The following ROBO2 variants were observed in gnomAD, a reference collection of about 807,000 sequenced individuals.
ROBO2 encodes the protein roundabout homolog 2.
ROBO2 carries 53 observed loss-of-function variants against 160.8 expected under a neutral mutation model. That is an observed-to-expected ratio of 0.33 (90% CI 0.26 to 0.41). ROBO2 has a LOEUF of 0.41. Among genes scored for constraint, ROBO2 ranks in the 10% least tolerant of loss-of-function variants. ROBO2 has a pLI of 1.00. For synonymous variants in ROBO2, 664 were observed against 611.7 expected, an observed-to-expected ratio of 1.09 and a Z score of -1.26; for missense variants, 1,577 against 1,722.4, an observed-to-expected ratio of 0.92 and a Z score of 1.49.
intron 2 of ROBO2, among the ~76,000 whole-genome samples, chr3:76,425,639 C>G (rs1299019534): frequency 6.6e-6 from 1 of 151,976 alleles, no homozygotes; most frequent in Admixed American, 6.6e-5. Flanking sequence ...TTAGTGAACT[C>G]TATTCTATGC....
At chr3:76,664,053 C>A (rs1306025679) in intron 2 of ROBO2, among the ~76,000 whole-genome samples, 1 of 152,082 alleles carries the variant, frequency 6.6e-6, no homozygotes, top group Non-Finnish European at 1.5e-5. Context: ...TAGTTCCAGG[C>A]AAAAGGGACC....
At chr3:77,505,539 T>C (rs1582543461) in intron 5 of ROBO2, among the ~76,000 whole-genome samples, 1 of 152,130 alleles carries the variant, frequency 6.6e-6, no homozygotes, top group African/African-American at 2.4e-5. Context: ...TAGAATTGAT[T>C]GTGAGATTTA....
intron 2 of ROBO2, among the ~76,000 whole-genome samples, chr3:76,587,891 T>G (rs1198983984): frequency 6.6e-6 from 1 of 152,148 alleles, no homozygotes; most frequent in Non-Finnish European, 1.5e-5. Flanking sequence ...ATACTTGAGA[T>G]GATCATCTCT....
chr3:77,005,186 CT>C (rs2061520260), intron 2 of ROBO2, among the ~76,000 whole-genome samples: 1 of 152,176 alleles, frequency 6.6e-6, no homozygotes. Context: ...CACTGAAAAG[CT>C]TTTCCTGACT....
intron 2 of ROBO2, among the ~76,000 whole-genome samples, chr3:76,525,701 T>C (rs183602033): frequency 3.3e-5 from 5 of 152,032 alleles, no homozygotes; most frequent in Non-Finnish European, 7.4e-5. Flanking sequence ...TTAGCCAGGG[T>C]TTTACTTAAT....
intron 2 of ROBO2, among the ~76,000 whole-genome samples, chr3:76,371,042 T>C (rs1336761333): frequency 6.6e-6 from 1 of 151,874 alleles, no homozygotes; most frequent in Non-Finnish European, 1.5e-5. Context: ...ATTAGACTCA[T>C]AGTCCCTGCA....
At chr3:77,365,427 T>C (rs2070719218) in intron 2 of ROBO2, among the ~76,000 whole-genome samples, 1 of 152,092 alleles carries the variant, frequency 6.6e-6, no homozygotes, top group Admixed American at 6.6e-5. Context: ...TAAGAATTTT[T>C]TTTCTTGTTG....
At chr3:77,565,180 CGAGGGGCTTGAT>C in intron 12 of ROBO2, 60 bp downstream of exon 13, 1 of 1,571,536 alleles carries the variant, frequency 6.4e-7, no homozygotes, top group South Asian at 1.1e-5. Context: ...TATTTAAGAA[CGAGGGGCTTGAT>C]GAGGAAATAT....
At chr3:76,335,882 C>T (rs933702288) in intron 2 of ROBO2, among the ~76,000 whole-genome samples, 7 of 152,058 alleles carry the variant, frequency 4.6e-5, no homozygotes, top group African/African-American at 1.7e-4. Context: ...GGCCTAAAGC[C>T]ATAACTTTTA....
chr3:76,356,810 A>G (rs977070237), intron 2 of ROBO2, among the ~76,000 whole-genome samples: 3 of 151,844 alleles, frequency 2.0e-5, no homozygotes. Flanking sequence ...CAGAAAGTAT[A>G]TTTTTTCAAG....
chr3:77,009,249 C>T (rs2061740312), intron 2 of ROBO2, among the ~76,000 whole-genome samples: 1 of 152,186 alleles, frequency 6.6e-6, no homozygotes, highest in Non-Finnish European at 1.5e-5. Context: ...TATTTACCCT[C>T]ATTCCACCAA....
intron 2 of ROBO2, among the ~76,000 whole-genome samples, chr3:76,825,839 C>G (rs1559562036): frequency 6.6e-6 from 1 of 151,906 alleles, no homozygotes; most frequent in East Asian, 1.9e-4. Flanking sequence ...CTTAACGTAA[C>G]AGATTCCTAA....
rs116766923 is a variant in ROBO2 at position 76,943,224 on chromosome 3, C to T, written c.110-154790C>T. Reference sequence around the variant, plus strand: ...TATCATTGCTTGTTGAAAGAGCTACCTCAGAGGACTGGCATTTGCGCTGGG... The same window carrying T: ...TATCATTGCTTGTTGAAAGAGCTACTTCAGAGGACTGGCATTTGCGCTGGG... On this transcript the variant is annotated intron_variant, in intron 2 of 26. Coordinates refer to the ROBO2 transcript ENST00000487694. Among the ~76,000 whole-genome samples, 255 of 152,272 alleles carry T rather than the reference C, an allele frequency of 1.7e-3. 1 individual carries two copies. Among genetic ancestry groups the T allele is most frequent in the African/African-American group, 5.2e-3 (217 of 41,558 alleles).
intron 12 of ROBO2, among the ~76,000 whole-genome samples, chr3:77,565,487 T>C (rs181673282): frequency 1.1e-4 from 16 of 152,194 alleles, no homozygotes; most frequent in Non-Finnish European, 1.9e-4. Context: ...GGTATAAAAA[T>C]TATGTCCTAT....
At chr3:76,777,199 C>G (rs1037492196) in intron 2 of ROBO2, among the ~76,000 whole-genome samples, 1 of 151,062 alleles carries the variant, frequency 6.6e-6, no homozygotes, top group Non-Finnish European at 1.5e-5. Flanking sequence ...TGCTAGCCTG[C>G]CATTTTACAC....
chr3:76,992,329 ATAT>A (rs1233498081), intron 2 of ROBO2, among the ~76,000 whole-genome samples: 1 of 9,508 alleles, frequency 1.1e-4, no homozygotes, highest in Non-Finnish European at 1.8e-4. Context: ...GTATTACTAT[ATAT>A]ATATATATAT....
intron 2 of ROBO2, among the ~76,000 whole-genome samples, chr3:76,441,068 C>T (rs185930034): frequency 6.6e-6 from 1 of 152,038 alleles, no homozygotes; most frequent in African/African-American, 2.4e-5. Flanking sequence ...AGATACTAGA[C>T]CTCATTGGGA....
chr3:76,572,630 CA>C (rs1309824769), intron 2 of ROBO2, among the ~76,000 whole-genome samples: 2 of 152,138 alleles, frequency 1.3e-5, no homozygotes, highest in African/African-American at 4.8e-5. Flanking sequence ...ATGAATACGT[CA>C]AAAAGTATGT....
At chr3:76,868,573 C>A (rs2071632340) in intron 2 of ROBO2, among the ~76,000 whole-genome samples, 1 of 152,062 alleles carries the variant, frequency 6.6e-6, no homozygotes, top group African/African-American at 2.4e-5. Flanking sequence ...ATCTAAGTTG[C>A]CTCTGTTGCT....
Sources: allele counts gnomAD v4.1 joint callset (sites outside exome capture counted in the v4.1 genomes callset), GRCh38; gene constraint gnomAD v4.1.1; transcripts MANE v1.5; gene names NCBI Gene and HGNC (gene_info 2026-07-23, HGNC 2026-07-21).